Variants in LRRC37A2 observed in about 807,000 individuals in gnomAD.
The protein encoded by LRRC37A2 is leucine-rich repeat-containing protein 37A2.
A neutral mutation model predicts 68.8 loss-of-function variants in LRRC37A2; 9 were observed. The ratio of observed to expected loss-of-function variants is 0.13; its 90% CI spans 0.08 to 0.23. The LOEUF (loss-of-function observed/expected upper bound fraction) is 0.23. Ranked by LOEUF, LRRC37A2 falls within the 10% of genes least tolerant of loss-of-function variation. The pLI, the probability that LRRC37A2 is intolerant of heterozygous loss-of-function variation, is 1.00. For missense variants in LRRC37A2, 168 were observed against 950.4 expected (o/e 0.18, Z 10.82); for synonymous variants, 63 against 367.6 (o/e 0.17, Z 9.48).
the LRRC37A2 span, among the ~76,000 whole-genome samples, chr17:46,726,331 G>A: frequency 1.3e-5 from 2 of 152,194 alleles, no homozygotes; most frequent in Non-Finnish European, 2.9e-5. Flanking sequence ...TCCCCAGCCT[G>A]CCCAGGTGTG....
At chr17:46,951,636 G>A in the LRRC37A2 span, among the ~76,000 whole-genome samples, 2 of 152,186 alleles carry the variant, frequency 1.3e-5, no homozygotes, top group African/African-American at 4.8e-5. Context: ...CCGGAACTTA[G>A]CATTGGAGAG....
chr17:46,957,884 A>G, the LRRC37A2 span, among the ~76,000 whole-genome samples: 2 of 152,172 alleles, frequency 1.3e-5, no homozygotes, highest in Non-Finnish European at 2.9e-5. Flanking sequence ...AAACGGAGGC[A>G]AGGCACTCAC....
At chr17:47,017,723 A>G in the LRRC37A2 span, 1 of 1,610,936 alleles carries the variant, frequency 6.2e-7, no homozygotes. Flanking sequence ...ATAGTCAGAA[A>G]CAGAATTTGC....
chr17:46,980,005 C>T, the LRRC37A2 span, among the ~76,000 whole-genome samples: 1 of 152,120 alleles, frequency 6.6e-6, no homozygotes, highest in Admixed American at 6.5e-5. Flanking sequence ...CCAACCTTTC[C>T]TCACTTAACA....
At chr17:46,771,724 G>A in the LRRC37A2 span, among the ~76,000 whole-genome samples, 1 of 141,338 alleles carries the variant, frequency 7.1e-6, no homozygotes, top group Non-Finnish European at 1.6e-5. Context: ...CCCGGCGCCG[G>A]GCCGCGAAAT....
At chr17:47,019,900 T>A in the LRRC37A2 span, 8 of 735,786 alleles carry the variant, frequency 1.1e-5, no homozygotes, top group East Asian at 9.8e-5. Context: ...CCAAGCCATA[T>A]GGACAACTGA....
the LRRC37A2 span, among the ~76,000 whole-genome samples, chr17:46,835,160 A>G: frequency 6.6e-6 from 1 of 151,892 alleles, no homozygotes; most frequent in Non-Finnish European, 1.5e-5. Context: ...ACACCTGGCT[A>G]ATTTTTTTTT....
chr17:46,885,181 T>C, the LRRC37A2 span: 1 of 333,032 alleles, frequency 3.0e-6, no homozygotes, highest in Non-Finnish European at 5.9e-6. Flanking sequence ...TAATTTTGTA[T>C]TTTTAGTAGA....
At chr17:46,925,623 A>G in the LRRC37A2 span, among the ~76,000 whole-genome samples, 4 of 152,208 alleles carry the variant, frequency 2.6e-5, no homozygotes, top group Admixed American at 2.6e-4. Context: ...TTCACAAGAA[A>G]CACGTGGAGT....
the LRRC37A2 span, among the ~76,000 whole-genome samples, chr17:47,030,093 T>A: frequency 1.0e-5 from 1 of 98,506 alleles, no homozygotes; most frequent in Non-Finnish European, 2.0e-5. Context: ...ATAATAATCA[T>A]CATCATCATC....
the LRRC37A2 span, among the ~76,000 whole-genome samples, chr17:46,986,689 G>A: frequency 1.7e-4 from 26 of 152,320 alleles, no homozygotes; most frequent in East Asian, 2.3e-3. Flanking sequence ...ATCTGAGACC[G>A]CGGAGAAGTG....
chr17:46,872,803 G>A, the LRRC37A2 span: 1 of 1,434,778 alleles, frequency 7.0e-7, no homozygotes, highest in African/African-American at 1.4e-5. Context: ...GACGGGGAGG[G>A]CTGGGGGAAG....
chr17:46,981,504 T>C, the LRRC37A2 span, among the ~76,000 whole-genome samples: 1 of 152,200 alleles, frequency 6.6e-6, no homozygotes, highest in African/African-American at 2.4e-5. Context: ...ACTCACCAGA[T>C]AGATGCTGGC....
chr17:46,929,570 A>G, the LRRC37A2 span: 13 of 1,529,206 alleles, frequency 8.5e-6, no homozygotes, highest in African/African-American at 1.2e-4. Context: ...ACGGCAGACA[A>G]GCAGTCTGTG....
At chr17:46,873,930 A>G in the LRRC37A2 span, among the ~76,000 whole-genome samples, 162 of 151,172 alleles carry the variant, frequency 1.1e-3, 1 homozygote, top group Non-Finnish European at 2.1e-3. Context: ...TGGAGGTTGC[A>G]GTGAGCCAAG....
the LRRC37A2 span, among the ~76,000 whole-genome samples, chr17:46,913,108 A>G: frequency 6.6e-6 from 1 of 152,210 alleles, no homozygotes; most frequent in East Asian, 1.9e-4. Flanking sequence ...CTTTGCACTG[A>G]TTCCAGGTGA....
At chr17:46,726,476 G>A in the LRRC37A2 span, 2 of 1,358,870 alleles carry the variant, frequency 1.5e-6, no homozygotes, top group Non-Finnish European at 2.1e-6. Context: ...TGCTCAAGAA[G>A]TAACTAAACT....
At chr17:46,991,351 G>T in the LRRC37A2 span, among the ~76,000 whole-genome samples, 2 of 152,144 alleles carry the variant, frequency 1.3e-5, no homozygotes, top group Non-Finnish European at 2.9e-5. Context: ...TATAGGCCAG[G>T]CACGGTGGTT....
At chr17:46,947,346 C>T in the LRRC37A2 span, among the ~76,000 whole-genome samples, 3 of 152,174 alleles carry the variant, frequency 2.0e-5, no homozygotes, top group Non-Finnish European at 4.4e-5. Flanking sequence ...ACCTGAACTA[C>T]CCCTGCTCCC....
Sources: allele counts gnomAD v4.1 joint callset (sites outside exome capture counted in the v4.1 genomes callset), GRCh38; gene constraint gnomAD v4.1.1; transcripts MANE v1.5; gene names NCBI Gene and HGNC (gene_info 2026-07-23, HGNC 2026-07-21).